COPS8: variants seen among roughly 807,000 people sequenced by gnomAD.
COPS8 encodes COP9 signalosome complex subunit 8.
A neutral mutation model predicts 31.5 loss-of-function variants in COPS8; 11 were observed. The observed-to-expected ratio is 0.35, with a 90% confidence interval of 0.22 to 0.58. The LOEUF is 0.58. Ranked by LOEUF, COPS8 falls within the 20% of genes least tolerant of loss-of-function variation. The pLI, the probability that COPS8 is intolerant of heterozygous loss-of-function variation, is 0.83. For synonymous variants in COPS8, 81 were observed against 89.3 expected, an observed-to-expected ratio of 0.91 and a Z score of 0.52; for missense variants, 215 against 255.1, an observed-to-expected ratio of 0.84 and a Z score of 1.07.
chr2:237,094,012 A>G (rs1696750887), intron 4 of COPS8, 78 bp from the exon 5 acceptor site: 2 of 1,562,780 alleles, frequency 1.3e-6, no homozygotes, highest in African/African-American at 1.4e-5. Context: ...AGACAAGGAC[A>G]GTGGTGTGAT....
At chr2:237,093,970 T>G in intron 4 of COPS8, 120 bp from the exon 5 acceptor site, 2 of 1,458,082 alleles carry the variant, frequency 1.4e-6, no homozygotes, top group Non-Finnish European at 1.8e-6. Context: ...CACAGAAATC[T>G]TTGGGTTCAT....
chr2:237,087,283 C>T (rs1696635546), intron 2 of COPS8, 86 bp downstream of exon 2: 3 of 887,588 alleles, frequency 3.4e-6, no homozygotes, highest in Non-Finnish European at 5.4e-6. Context: ...CACCACTAAA[C>T]ATAGGCACAA....
In COPS8 at chr2:237,087,093, T is replaced by G. The variant is rs758863589; in HGVS notation, c.79-34T>G. On this transcript the variant is annotated intron_variant, in intron 1 of 7. Transcript: ENST00000354371. ...TAAATGAGGTTTTTAAAATTTTGTGTTGTTTTGTTTTGTTTTCATTTTTGG... is the reference window on the plus strand; with the variant it reads ...TAAATGAGGTTTTTAAAATTTTGTGGTGTTTTGTTTTGTTTTCATTTTTGG... 9 of 1,414,468 alleles carry G rather than the reference T, an allele frequency of 6.4e-6. No individual in the cohort carries two copies. In the African/African-American group the frequency reaches 7.5e-5, roughly 12 times the overall value. The allele number at this position is 1,414,468 out of a possible 1,614,324, so 87.6% of individuals were successfully genotyped here. A position where few individuals can be genotyped will look rare whatever the true frequency, so the allele number is the denominator to read the frequency against.
In COPS8 at chr2:237,085,922, G is replaced by A; in HGVS notation, c.-43G>A. The A allele has an allele frequency of 1.3e-6, 2 of 1,588,274 alleles. No individual in the cohort carries two copies. The highest frequency in any genetic ancestry group is 1.7e-6 in the Non-Finnish European group (2 of 1,161,898). ...CGCGACGCCTGAGGGACAGTCTGGG[G>A]TTTGGCTGTCCGGACGGTGCAGCGG... On this transcript the variant is annotated 5_prime_UTR_variant, in exon 1 of 8. Coordinates refer to ENST00000354371, the MANE Select transcript of COPS8 (RefSeq NM_006710.5).
chr2:237,096,860 C>T lies in COPS8; in HGVS notation c.541C>T (p.Pro181Ser), dbSNP rs111953822. The change falls in exon 7 of 8, where the codon CCC (proline) becomes TCC (serine). Residue 181 changes from proline to serine, a missense_variant. By Grantham distance (74) the Pro-to-Ser change is moderately conservative. Coordinates refer to ENST00000354371, the MANE Select transcript of COPS8 (RefSeq NM_006710.5). Reference sequence around the variant, plus strand: ...GGATGTTTCCTTTAACAAGTTTATTCCCTTATCAGGTATGTATTTTCATAT... The same window carrying T: ...GGATGTTTCCTTTAACAAGTTTATTTCCTTATCAGGTATGTATTTTCATAT... Reference protein sequence around the residue: ...ALDVSFNKFIPLSEPAPVPPI... With the variant: ...ALDVSFNKFISLSEPAPVPPI... 1.2e-6 allele frequency: 2 copies of T among 1,607,982 alleles called. No individual in the cohort carries two copies. The highest frequency in any genetic ancestry group is 1.7e-6 in the Non-Finnish European group (2 of 1,176,446).
In COPS8 at chr2:237,088,699, T is replaced by A. The variant is rs756550400; in HGVS notation, c.198+46T>A. The A allele has an allele frequency of 8.7e-6, 11 of 1,266,726 alleles. No homozygotes were observed. The Admixed American group carries it at 1.5e-4, about 17-fold the overall frequency. The allele number at this position is 1,266,726 out of a possible 1,614,324, so 78.5% of individuals were successfully genotyped here. A position where few individuals can be genotyped will look rare whatever the true frequency, so the allele number is the denominator to read the frequency against. ...TTTTACTGCTTTAATGTAATGACAT[T>A]CCCTTAAATGGCAACCTTTTATAAG... On this transcript the variant is annotated intron_variant, in intron 3 of 7. Transcript: ENST00000354371.
In COPS8 at chr2:237,098,044, G is replaced by A; in HGVS notation, c.*302G>A. 1 of 248,358 alleles carries A rather than the reference G, an allele frequency of 4.0e-6. No individual in the cohort carries two copies. Among genetic ancestry groups the A allele is most frequent in the Non-Finnish European group, 7.9e-6 (1 of 127,010 alleles). 15.4% of individuals were successfully genotyped at this position (248,358 alleles called of 1,614,324 possible). A position where few individuals can be genotyped will look rare whatever the true frequency, so the allele number is the denominator to read the frequency against. On this transcript the variant is annotated 3_prime_UTR_variant, in exon 8 of 8. Transcript: ENST00000354371. ...GATTTCCTGTTTCATGTAGAATAGT[G>A]TTTGTCAACTGTCTTTTCTCTGTCC...
intron 2 of COPS8, among the ~76,000 whole-genome samples, chr2:237,088,150 A>G (rs796931922): frequency 2.6e-5 from 4 of 152,242 alleles, no homozygotes; most frequent in African/African-American, 7.2e-5. Flanking sequence ...CAAGCCTCCA[A>G]ACCCATAAAA....
At chr2:237,097,397 A>G (rs983335411) in intron 7 of COPS8, among the ~76,000 whole-genome samples, 2 of 152,106 alleles carry the variant, frequency 1.3e-5, no homozygotes, top group African/African-American at 4.8e-5. Context: ...TTTAACCTTT[A>G]CATAGAATAC....
intron 6 of COPS8, 96 bp downstream of exon 6, chr2:237,095,980 C>A: frequency 1.2e-6 from 1 of 829,460 alleles, no homozygotes. Flanking sequence ...ATGTAAAATT[C>A]GGCTATACTA....
rs142414640 is a variant in COPS8 at position 237,097,449 on chromosome 2, G to A, written c.551-214G>A. Among the ~76,000 whole-genome samples the A allele has an allele frequency of 2.1e-3, 316 of 152,194 alleles. 1 individual carries two copies. Among genetic ancestry groups the A allele is most frequent in the African/African-American group, 7.1e-3 (296 of 41,516 alleles). Reference sequence around the variant, plus strand: ...TGAGACATGCCTTTACTAGCAGTTAGGTAAAACCATACTCATAAAAGTTGC... The same window carrying A: ...TGAGACATGCCTTTACTAGCAGTTAAGTAAAACCATACTCATAAAAGTTGC... On this transcript the variant is annotated intron_variant, in intron 7 of 7. Coordinates refer to ENST00000354371, the MANE Select transcript of COPS8 (RefSeq NM_006710.5).
rs1330009981 is a variant in COPS8 at position 237,098,523 on chromosome 2, T to G, written c.*781T>G. 1 of 152,252 alleles carries G rather than the reference T, an allele frequency of 6.6e-6. No individual in the cohort carries two copies. Among genetic ancestry groups the G allele is most frequent in the African/African-American group, 2.4e-5 (1 of 41,468 alleles). The allele number at this position is 152,252 out of a possible 1,614,324, so 9.4% of individuals were successfully genotyped here. A position where few individuals can be genotyped will look rare whatever the true frequency, so the allele number is the denominator to read the frequency against. On this transcript the variant is annotated 3_prime_UTR_variant, in exon 8 of 8. Transcript: ENST00000354371. The stretch of plus-strand genomic sequence containing the variant: ...TCCTGCAGCCCATTGGTTGCTTATA[T>G]TTATCGCTTGGCTCAAGTTCTGCCC...
In COPS8 at chr2:237,097,749, A is replaced by G. The variant is rs1559301461; in HGVS notation, c.*7A>G. 6.3e-7 allele frequency: 1 copy of G among 1,598,886 alleles called. No homozygotes were observed. Among genetic ancestry groups the G allele is most frequent in the Admixed American group, 1.7e-5 (1 of 59,908 alleles). On this transcript the variant is annotated 3_prime_UTR_variant, in exon 8 of 8. Transcript: ENST00000354371. ...GGCTTTCCTTGAAAACTGATTTATCACTCTGAGTTCAAGATTCATCTTCAG... is the reference window on the plus strand; with the variant it reads ...GGCTTTCCTTGAAAACTGATTTATCGCTCTGAGTTCAAGATTCATCTTCAG...
chr2:237,090,639 T>C (rs1419178865), intron 4 of COPS8, among the ~76,000 whole-genome samples: 1 of 152,228 alleles, frequency 6.6e-6, no homozygotes, highest in African/African-American at 2.4e-5. Context: ...CCACCTTCAC[T>C]GTATGCCTTC....
chr2:237,087,039 ATAT>A (rs1696629551), intron 1 of COPS8, 85 bp from the exon 2 acceptor site: 7 of 804,144 alleles, frequency 8.7e-6, no homozygotes, highest in East Asian at 5.5e-5. Flanking sequence ...CATTTATAAA[ATAT>A]TATTTTAAAA....
At chr2:237,090,066 T>G in intron 4 of COPS8, 72 bp downstream of exon 4, 1 of 1,487,216 alleles carries the variant, frequency 6.7e-7, no homozygotes, top group Non-Finnish European at 9.3e-7. Context: ...GTTGAAGTAA[T>G]AAATCAGTGG....
At chr2:237,093,094 C>T (rs1696735584) in intron 4 of COPS8, among the ~76,000 whole-genome samples, 1 of 152,096 alleles carries the variant, frequency 6.6e-6, no homozygotes, top group Non-Finnish European at 1.5e-5. Context: ...GAATTATAAA[C>T]AGACTTAGGA....
At chr2:237,086,427 C>T (rs986439183) in intron 1 of COPS8, among the ~76,000 whole-genome samples, 2 of 152,116 alleles carry the variant, frequency 1.3e-5, no homozygotes, top group East Asian at 1.9e-4. Flanking sequence ...GCAACTCACA[C>T]GCACACCAAG....
At chr2:237,095,239 C>G (rs540863816) in intron 5 of COPS8, among the ~76,000 whole-genome samples, 2 of 152,122 alleles carry the variant, frequency 1.3e-5, no homozygotes, top group Non-Finnish European at 2.9e-5. Flanking sequence ...TCTCAGCTGA[C>G]CACCTGGATG....
Sources: allele counts gnomAD v4.1 joint callset (sites outside exome capture counted in the v4.1 genomes callset), GRCh38; gene constraint gnomAD v4.1.1; transcripts MANE v1.5; gene names NCBI Gene and HGNC (gene_info 2026-07-23, HGNC 2026-07-21).